RNF214: variants seen among roughly 807,000 people sequenced by gnomAD.
RNF214 encodes ring finger protein 214.
RNF214 carries 25 observed loss-of-function variants against 75.9 expected under a neutral mutation model. The ratio of observed to expected loss-of-function variants is 0.33; its 90% CI spans 0.24 to 0.46. The LOEUF (loss-of-function observed/expected upper bound fraction) is 0.46, where lower values mean the gene tolerates loss of function less well. Ranked by LOEUF, RNF214 falls within the 20% of genes least tolerant of loss-of-function variation. The probability of loss-of-function intolerance (pLI) is 1.00; values close to 1 mark genes in which losing one functional copy is unlikely to be tolerated. For missense variants in RNF214, 725 were observed against 857.5 expected, an observed-to-expected ratio of 0.85 and a Z score of 1.93; for synonymous variants, 314 against 308.8, an observed-to-expected ratio of 1.02 and a Z score of -0.18.
chr11:117,283,242 A>G, intron 14 of RNF214, 32 bp downstream of exon 14: 1 of 1,402,650 alleles, frequency 7.1e-7, no homozygotes, highest in South Asian at 1.2e-5. Context: ...CATTTTCTAC[A>G]CTTTTTCTTC....
In RNF214 at chr11:117,285,477, A is replaced by G. The variant is rs1223444815; in HGVS notation, c.*326A>G. ...AATACAATATAAAAACCACCTAGGA[A>G]CCTGCTGTTGCTCTAAGGCCATTCT... is the stretch of plus-strand genomic sequence containing the variant. On this transcript the variant is annotated 3_prime_UTR_variant, in exon 15 of 15. Transcript: ENST00000300650. 1 of 197,912 alleles carries G rather than the reference A, an allele frequency of 5.1e-6. No homozygotes were observed. Among genetic ancestry groups the G allele is most frequent in the Non-Finnish European group, 1.0e-5 (1 of 97,178 alleles). 12.3% of individuals were successfully genotyped at this position (197,912 alleles called of 1,614,324 possible). A position where few individuals can be genotyped will look rare whatever the true frequency, so the allele number is the denominator to read the frequency against.
At position 117,283,217 on chromosome 11, in the gene RNF214, G is replaced by A; in HGVS notation, c.2046+7G>A. On this transcript the variant is annotated splice_region_variant and intron_variant, in intron 14 of 14. Coordinates refer to ENST00000300650, the MANE Select transcript of RNF214 (RefSeq NM_207343.4). ...CCATGTATTGCACAAGGAGGTAGGT[G>A]TTACAGACCTTCCTCATTTTCTACA... The A allele has an allele frequency of 6.4e-7, 1 of 1,563,718 alleles. No homozygotes were observed. The highest frequency in any genetic ancestry group is 2.2e-5 in the East Asian group (1 of 44,642).
At chr11:117,262,060 G>C (rs1337774027) in intron 6 of RNF214, among the ~76,000 whole-genome samples, 1 of 148,884 alleles carries the variant, frequency 6.7e-6, no homozygotes, top group African/African-American at 2.5e-5. Flanking sequence ...TTTTTTTTCA[G>C]TTTGTTTGGT....
chr11:117,238,662 A>G lies in RNF214; in HGVS notation c.169A>G (p.Ile57Val), dbSNP rs761021575. Reference sequence around the variant, plus strand: ...TCTGTTGAGTGTAAGTAGCCAAACAATAACCAAGGAGAATAACAGAAATGT... The same window carrying G: ...TCTGTTGAGTGTAAGTAGCCAAACAGTAACCAAGGAGAATAACAGAAATGT... ...SPLLSVSSQT[I>V]TKENNRNVHL... The change falls in exon 3 of 15, where the codon ATA (isoleucine) becomes GTA (valine). Residue 57 changes from isoleucine to valine, a missense_variant. Ile to Val is a conservative substitution (Grantham distance 29). Coordinates refer to ENST00000300650, the MANE Select transcript of RNF214 (RefSeq NM_207343.4). 4.6e-5 allele frequency: 74 copies of G among 1,614,252 alleles called. 1 individual carries two copies. Among genetic ancestry groups the G allele is most frequent in the South Asian group, 3.3e-4 (30 of 91,092 alleles).
Position 117,269,467 on chromosome 11 carries a change from A to T in RNF214, c.960-10441A>T, listed in dbSNP as rs531376077. On this transcript the variant is annotated intron_variant, in intron 6 of 14. Transcript: ENST00000300650. ...GCCTCGACCTCCCCAGGCTCAGGTG[A>T]TCCTCCCACCTTAGCTTCCTGAGTA... Among the ~76,000 whole-genome samples, 126 of 152,206 alleles carry T rather than the reference A, an allele frequency of 8.3e-4. 1 individual carries two copies. The highest frequency in any genetic ancestry group is 3.3e-3 in the South Asian group (16 of 4,826).
At chr11:117,263,140 T>G (rs1263112989) in intron 6 of RNF214, among the ~76,000 whole-genome samples, 4 of 151,964 alleles carry the variant, frequency 2.6e-5, no homozygotes, top group African/African-American at 9.7e-5. Flanking sequence ...CAGTCAGTTT[T>G]TGTTTCTTAT....
intron 2 of RNF214, 40 bp from the exon 3 acceptor site, chr11:117,238,561 A>C (rs769808107): frequency 2.0e-6 from 3 of 1,537,022 alleles, no homozygotes; most frequent in Non-Finnish European, 2.6e-6. Context: ...TTAGGTTGAA[A>C]GTATTATATA....
At chr11:117,269,782 T>G (rs913233715) in intron 6 of RNF214, among the ~76,000 whole-genome samples, 5 of 152,214 alleles carry the variant, frequency 3.3e-5, no homozygotes, top group Admixed American at 2.6e-4. Flanking sequence ...TTTTTCCACT[T>G]TATGATACTA....
At chr11:117,235,173 T>A (rs989110017) in intron 2 of RNF214, among the ~76,000 whole-genome samples, 4 of 152,138 alleles carry the variant, frequency 2.6e-5, no homozygotes, top group Admixed American at 6.6e-5. Flanking sequence ...TTTCTGAAAA[T>A]TTTTTTAATG....
rs921053336 is a variant in RNF214, at chr11:117,282,393, T to G, written c.1713-11T>G. On this transcript the variant is annotated splice_polypyrimidine_tract_variant and intron_variant, in intron 11 of 14. Transcript: ENST00000300650. ...ATAGGCTTTCTCTCCCTCAACATTT[T>G]TTTTCCTCAGGGCCCAGATGACCAA... 2 of 1,612,850 alleles carry G rather than the reference T, an allele frequency of 1.2e-6. No homozygotes were observed. The highest frequency in any genetic ancestry group is 2.7e-5 in the African/African-American group (2 of 74,896).
At chr11:117,250,611 T>TA (rs1555053704) in intron 6 of RNF214, among the ~76,000 whole-genome samples, 5,424 of 22,740 alleles carry the variant, frequency 0.24, 144 homozygotes, top group Middle Eastern at 0.4. Context: ...ATTTATTTAT[T>TA]TTTTTTTTAA....
In RNF214 at chr11:117,282,129, A is replaced by G. The variant is rs1330921144; in HGVS notation, c.1571A>G (p.His524Arg). 1 of 1,613,914 alleles carries G rather than the reference A, an allele frequency of 6.2e-7. No individual in the cohort carries two copies. Among genetic ancestry groups the G allele is most frequent in the African/African-American group, 1.3e-5 (1 of 74,944 alleles). ...TCCCTTGTCAGCCCCCACGGTCCAC[A>G]CATGCCCCCTGCCGCCTCCATCCCA... Reference protein sequence around the residue: ...LGSLVSPHGPHMPPAASIPPP... With the variant: ...LGSLVSPHGPRMPPAASIPPP... The change falls in exon 11 of 15, where the codon CAC (histidine) becomes CGC (arginine). Residue 524 changes from histidine to arginine, a missense_variant. His to Arg is a conservative substitution (Grantham distance 29, BLOSUM62 0). Coordinates refer to ENST00000300650, the MANE Select transcript of RNF214 (RefSeq NM_207343.4).
chr11:117,259,511 A>G (rs2033606956), intron 6 of RNF214, among the ~76,000 whole-genome samples: 1 of 152,236 alleles, frequency 6.6e-6, no homozygotes, highest in Non-Finnish European at 1.5e-5. Context: ...TCCAAATTGC[A>G]TATACCATTT....
rs2032845186 is a variant in RNF214, at chr11:117,234,473, C to T, written c.107+94C>T. 3.6e-6 allele frequency: 3 copies of T among 837,392 alleles called. No individual in the cohort carries two copies. The South Asian group carries it at 4.3e-5, about 12-fold the overall frequency. The allele number at this position is 837,392 out of a possible 1,614,324, so 51.9% of individuals were successfully genotyped here. On this transcript the variant is annotated intron_variant, in intron 2 of 14. Coordinates refer to ENST00000300650, the MANE Select transcript of RNF214 (RefSeq NM_207343.4). ...TGGTCTTTCTTTTTGGCTCTGATGG[C>T]ACTGCACTAGCTTTTTAAAGGTACA... is the stretch of plus-strand genomic sequence containing the variant.
intron 6 of RNF214, among the ~76,000 whole-genome samples, chr11:117,266,327 C>G (rs536140254): frequency 2.5e-3 from 378 of 152,050 alleles, no homozygotes; most frequent in Non-Finnish European, 4.4e-3. Context: ...TGTAAAGTTA[C>G]GTCCTTCACC....
intron 6 of RNF214, among the ~76,000 whole-genome samples, chr11:117,270,241 C>CT (rs57144374): frequency 0.018 from 1,380 of 75,882 alleles, 117 homozygotes; most frequent in African/African-American, 0.03. Context: ...CTTTTCTTTT[C>CT]TTTTTTTTTT....
rs748553884 is a variant in RNF214, at chr11:117,282,851, G to A, written c.1950+1G>A. ...TTCATATCCTGGAAGGTCTTCACATGTAAGACTCTTTTTCTTTGAACACTG... is the reference window on the plus strand; with the variant it reads ...TTCATATCCTGGAAGGTCTTCACATATAAGACTCTTTTTCTTTGAACACTG... On this transcript the variant is annotated splice_donor_variant, in intron 13 of 14. Transcript: ENST00000300650. LOFTEE classifies it high-confidence loss of function. 2.5e-6 allele frequency: 4 copies of A among 1,605,328 alleles called. No individual in the cohort carries two copies. The highest frequency in any genetic ancestry group is 1.7e-6 in the Non-Finnish European group (2 of 1,172,082).
intron 2 of RNF214, among the ~76,000 whole-genome samples, chr11:117,237,950 A>G (rs923217473): frequency 2.0e-5 from 3 of 152,216 alleles, no homozygotes; most frequent in African/African-American, 7.2e-5. Context: ...CAATACTTCT[A>G]AGTTAATATT....
chr11:117,235,594 GTTCAAACGTCTCCTGGA>G (rs1377233041), intron 2 of RNF214, among the ~76,000 whole-genome samples: 28 of 150,482 alleles, frequency 1.9e-4, no homozygotes, highest in African/African-American at 6.4e-4. Flanking sequence ...CGTCTCCTGG[GTTCAAACGTCTCCTGGA>G]TTCCCTTACC....
Sources: gnomAD v4.1 joint callset for allele counts (sites outside exome capture counted in the v4.1 genomes callset) on GRCh38, gnomAD v4.1.1 for gene constraint, MANE v1.5 for transcripts, NCBI Gene and HGNC (gene_info 2026-07-23, HGNC 2026-07-21) for gene names.